Variants in TNKS observed in about 807,000 individuals in gnomAD.
TNKS encodes tankyrase.
A neutral mutation model predicts 135.8 loss-of-function variants in TNKS; 72 were observed. The observed-to-expected ratio is 0.53, with a 90% CI of 0.44 to 0.64. The LOEUF (loss-of-function observed/expected upper bound fraction) is 0.64. Ranked by LOEUF, TNKS falls within the 30% of genes least tolerant of loss-of-function variation. TNKS has a pLI of 0.00. For synonymous variants in TNKS, 849 were observed against 649.3 expected, an observed-to-expected ratio of 1.31 and a Z score of -4.68; for missense variants, 1,769 against 1,674.0, an observed-to-expected ratio of 1.06 and a Z score of -0.99.
intron 3 of TNKS, among the ~76,000 whole-genome samples, chr8:9,649,356 G>A (rs1318117450): frequency 6.6e-6 from 1 of 152,078 alleles, no homozygotes; most frequent in Non-Finnish European, 1.5e-5. Flanking sequence ...AATAAGATGA[G>A]GCAAGGAGTT....
chr8:9,656,475 A>G (rs76018885), intron 3 of TNKS, among the ~76,000 whole-genome samples: 2 of 152,204 alleles, frequency 1.3e-5, no homozygotes, highest in Admixed American at 6.5e-5. Context: ...AAAAAATGTT[A>G]AGGGCAGCCA....
intron 6 of TNKS, 26 bp from the exon 7 acceptor site, chr8:9,706,161 A>G: frequency 6.5e-7 from 1 of 1,540,478 alleles, no homozygotes; most frequent in Non-Finnish European, 8.7e-7. Context: ...AAATTTAAGT[A>G]TTTTAATTTG....
intron 5 of TNKS, among the ~76,000 whole-genome samples, chr8:9,687,459 G>A (rs976424091): frequency 1.3e-5 from 2 of 152,098 alleles, no homozygotes; most frequent in African/African-American, 2.4e-5. Flanking sequence ...TATTCATTTT[G>A]TACCAATGAG....
At chr8:9,631,492 C>T (rs767068923) in intron 3 of TNKS, among the ~76,000 whole-genome samples, 16 of 152,128 alleles carry the variant, frequency 1.1e-4, no homozygotes, top group Non-Finnish European at 2.2e-4. Context: ...AGAAAATTTA[C>T]TAAAAACTAA....
chr8:9,746,772 C>G (rs1387598951), intron 17 of TNKS, among the ~76,000 whole-genome samples: 1 of 151,942 alleles, frequency 6.6e-6, no homozygotes, highest in Non-Finnish European at 1.5e-5. Flanking sequence ...CTCGACTGTG[C>G]TCCAACCTTT....
At chr8:9,670,720 T>A (rs1802235713) in intron 3 of TNKS, 1 of 152,206 alleles carries the variant, frequency 6.6e-6, no homozygotes, top group Admixed American at 6.5e-5. Flanking sequence ...TTCCTCTTGC[T>A]TTTTAGAAAG....
chr8:9,690,451 A>G (rs1024161077), intron 5 of TNKS, among the ~76,000 whole-genome samples: 1 of 152,110 alleles, frequency 6.6e-6, no homozygotes, highest in Non-Finnish European at 1.5e-5. Flanking sequence ...ATAGTCCTTT[A>G]TATTCTCACT....
At chr8:9,595,343 T>C (rs368198163) in intron 2 of TNKS, among the ~76,000 whole-genome samples, 30 of 152,194 alleles carry the variant, frequency 2.0e-4, no homozygotes, top group African/African-American at 7.2e-4. Context: ...ATTCCATACT[T>C]GTATCCTTAA....
chr8:9,734,671 C>G (rs1805600886), intron 15 of TNKS, among the ~76,000 whole-genome samples, 194 bp from the exon 16 acceptor site: 1 of 152,148 alleles, frequency 6.6e-6, no homozygotes, highest in Non-Finnish European at 1.5e-5. Flanking sequence ...GAAGCTTTGA[C>G]TGTATAGTAT....
intron 3 of TNKS, among the ~76,000 whole-genome samples, chr8:9,666,091 C>A (rs1426129265): frequency 6.6e-6 from 1 of 152,184 alleles, no homozygotes; most frequent in Non-Finnish European, 1.5e-5. Flanking sequence ...GTAGTAACAG[C>A]TTTTGCTGCT....
At chr8:9,685,387 G>A (rs776356645) in intron 5 of TNKS, among the ~76,000 whole-genome samples, 6 of 152,120 alleles carry the variant, frequency 3.9e-5, no homozygotes, top group Non-Finnish European at 5.9e-5. Flanking sequence ...CATTTGAGAG[G>A]ATTAAGTGAA....
At chr8:9,628,516 CT>C (rs61035679) in intron 3 of TNKS, among the ~76,000 whole-genome samples, 8 of 149,236 alleles carry the variant, frequency 5.4e-5, no homozygotes, top group South Asian at 4.3e-4. Context: ...ATTCCTCCTG[CT>C]TTTTTTTTTC....
In TNKS at chr8:9,761,528, G is replaced by T. The variant is rs1357161237; in HGVS notation, c.3166G>T (p.Val1056Leu). The change falls in exon 21 of 27, where the codon GTG (valine) becomes TTG (leucine). Residue 1056 changes from valine to leucine, a missense_variant. By Grantham distance (32) the Val-to-Leu change is conservative (BLOSUM62 1). This residue lies in a region of TNKS where 722 missense variants were observed against 688.9 expected (regional missense o/e 1.05). Transcript: ENST00000310430. Reference sequence around the variant, plus strand: ...TTTCATTTTTCAGATTACACTAGATGTGTTGGCTGATATGGGTCATGAAGA... The same window carrying T: ...TTTCATTTTTCAGATTACACTAGATTTGTTGGCTGATATGGGTCATGAAGA... ...IFETEQITLD[V>L]LADMGHEELK... 1 of 1,613,370 alleles carries T rather than the reference G, an allele frequency of 6.2e-7. No homozygotes were observed. Among genetic ancestry groups the T allele is most frequent in the Non-Finnish European group, 8.5e-7 (1 of 1,179,870 alleles).
chr8:9,563,022 A>T (rs1247593608), intron 1 of TNKS, among the ~76,000 whole-genome samples: 1 of 151,864 alleles, frequency 6.6e-6, no homozygotes, highest in Non-Finnish European at 1.5e-5. Flanking sequence ...TTTTCTTTTT[A>T]TGTATATTGA....
chr8:9,747,201 A>G (rs1806280632), intron 17 of TNKS, among the ~76,000 whole-genome samples: 1 of 151,282 alleles, frequency 6.6e-6, no homozygotes, highest in African/African-American at 2.4e-5. Context: ...AACTTTTACA[A>G]CTCAATTTCT....
chr8:9,723,187 T>C (rs1804987079), intron 12 of TNKS, among the ~76,000 whole-genome samples: 1 of 151,818 alleles, frequency 6.6e-6, no homozygotes, highest in South Asian at 2.1e-4. Context: ...TTGTTTCTTA[T>C]TTGAAATAGG....
At chr8:9,579,387 T>G (rs1366571498) in intron 1 of TNKS, among the ~76,000 whole-genome samples, 1 of 152,252 alleles carries the variant, frequency 6.6e-6, no homozygotes, top group Non-Finnish European at 1.5e-5. Context: ...TACCCATACA[T>G]TCATCCCCAA....
chr8:9,721,593 C>G (rs1804882650), intron 12 of TNKS, among the ~76,000 whole-genome samples: 1 of 149,328 alleles, frequency 6.7e-6, no homozygotes, highest in Non-Finnish European at 1.5e-5. Flanking sequence ...GTCAGAAGTC[C>G]TGGTTACTTT....
At chr8:9,747,142 C>G (rs1033854373) in intron 17 of TNKS, among the ~76,000 whole-genome samples, 21 of 152,070 alleles carry the variant, frequency 1.4e-4, no homozygotes, top group African/African-American at 5.1e-4. Context: ...CTCAGCCTCC[C>G]AAAGTGCTGG....
Sources: gnomAD v4.1 joint callset for allele counts (sites outside exome capture counted in the v4.1 genomes callset) on GRCh38, gnomAD v4.1.1 for gene constraint, gnomAD v4.1.1 regional missense constraint, MANE v1.5 for transcripts, NCBI Gene and HGNC (gene_info 2026-07-23, HGNC 2026-07-21) for gene names.